The following SLC9A9 variants were observed in gnomAD, a reference collection of about 807,000 sequenced individuals.
SLC9A9 encodes solute carrier family 9 member A9.
Under a neutral mutation model 77.8 loss-of-function variants are expected in SLC9A9, and 62 were observed. The observed-to-expected ratio is 0.80, with a 90% CI of 0.65 to 0.98. The LOEUF (loss-of-function observed/expected upper bound fraction) is 0.98, where lower values mean the gene tolerates loss of function less well. SLC9A9 is among the 50% of genes least tolerant of loss of function. SLC9A9 has a pLI of 0.00. For synonymous variants in SLC9A9, 320 were observed against 283.5 expected (o/e 1.13, Z -1.29); for missense variants, 775 against 774.9 (o/e 1.00, Z 0.00).
At chr3:143,432,266 G>A (rs552204050) in intron 12 of SLC9A9, among the ~76,000 whole-genome samples, 59 of 152,130 alleles carry the variant, frequency 3.9e-4, no homozygotes, top group African/African-American at 1.4e-3. Context: ...ACTACACACC[G>A]GGTAATTACT....
chr3:143,750,252 C>T (rs1412472249), intron 4 of SLC9A9, among the ~76,000 whole-genome samples: 1 of 152,186 alleles, frequency 6.6e-6, no homozygotes, highest in Non-Finnish European at 1.5e-5. Context: ...GAACTTTGTT[C>T]TAACTTTCAG....
At chr3:143,415,970 G>A (rs1474171867) in intron 12 of SLC9A9, among the ~76,000 whole-genome samples, 1 of 152,198 alleles carries the variant, frequency 6.6e-6, no homozygotes, top group African/African-American at 2.4e-5. Flanking sequence ...TTTGGAAGGA[G>A]TTGACTCCAA....
intron 4 of SLC9A9, among the ~76,000 whole-genome samples, chr3:143,706,276 G>A (rs182566395): frequency 1.2e-3 from 180 of 152,290 alleles, no homozygotes; most frequent in Non-Finnish European, 2.2e-3. Context: ...GAGATCGATC[G>A]GGGAGCGGGG....
chr3:143,386,515 C>G (rs1170754761), intron 12 of SLC9A9, among the ~76,000 whole-genome samples: 2 of 152,214 alleles, frequency 1.3e-5, no homozygotes, highest in African/African-American at 2.4e-5. Flanking sequence ...AATTAGAGAA[C>G]TCATTTCACA....
intron 11 of SLC9A9, among the ~76,000 whole-genome samples, chr3:143,479,195 G>A (rs1401824795): frequency 6.6e-6 from 1 of 152,168 alleles, no homozygotes; most frequent in Non-Finnish European, 1.5e-5. Context: ...TGGGGTGGGG[G>A]CACAATATAT....
At chr3:143,416,440 C>G (rs2034192275) in intron 12 of SLC9A9, among the ~76,000 whole-genome samples, 1 of 152,168 alleles carries the variant, frequency 6.6e-6, no homozygotes, top group Admixed American at 6.5e-5. Context: ...GCCTCCCTAG[C>G]CTTCAGCAAC....
intron 11 of SLC9A9, among the ~76,000 whole-genome samples, chr3:143,481,816 G>A (rs1016214032): frequency 1.3e-5 from 2 of 152,288 alleles, no homozygotes; most frequent in African/African-American, 4.8e-5. Context: ...ACTGTGGGAC[G>A]GTCCTGGTAG....
At chr3:143,453,594 GCT>G (rs1228195154) in intron 12 of SLC9A9, among the ~76,000 whole-genome samples, 1 of 152,120 alleles carries the variant, frequency 6.6e-6, no homozygotes, top group Non-Finnish European at 1.5e-5. Context: ...TTCTGAAAGT[GCT>G]CTCTCTATAT....
chr3:143,267,890 G>A (rs976582666), intron 15 of SLC9A9, among the ~76,000 whole-genome samples: 11 of 152,222 alleles, frequency 7.2e-5, no homozygotes, highest in African/African-American at 2.4e-4. Context: ...CCTTGCCGGG[G>A]GATTTTTAGG....
intron 4 of SLC9A9, among the ~76,000 whole-genome samples, chr3:143,778,383 C>T (rs1216950737): frequency 1.3e-5 from 2 of 152,178 alleles, no homozygotes; most frequent in Non-Finnish European, 2.9e-5. Flanking sequence ...CTATTAACTA[C>T]TCAAGATTTA....
chr3:143,693,265 G>C lies in SLC9A9; in HGVS notation c.576C>G (p.Gly192=). 1.2e-6 allele frequency: 2 copies of C among 1,613,246 alleles called. No homozygotes were observed. Among genetic ancestry groups the C allele is most frequent in the Non-Finnish European group, 8.5e-7 (1 of 1,179,520 alleles). Residue 192 remains glycine (G), a synonymous_variant, in exon 5 of 16, where the codon GGC becomes GGG. Transcript: ENST00000316549. ...AATGAAAGTCTCCATTTTTCAGCTG[G>C]CCAGCATGTATCATAGCCTTCACAA... is the stretch of plus-strand genomic sequence containing the variant. ...YGFVKAMIHA[G]QLKNGDFHFT...
At chr3:143,777,192 C>T (rs2007718986) in intron 4 of SLC9A9, among the ~76,000 whole-genome samples, 1 of 152,120 alleles carries the variant, frequency 6.6e-6, no homozygotes, top group Non-Finnish European at 1.5e-5. Flanking sequence ...GAAAAATAGC[C>T]ATTTTTATTT....
intron 14 of SLC9A9, among the ~76,000 whole-genome samples, chr3:143,359,018 A>G (rs988133666): frequency 4.6e-5 from 7 of 152,204 alleles, no homozygotes; most frequent in Non-Finnish European, 8.8e-5. Flanking sequence ...CTAGGGAGTG[A>G]GACACTCAGG....
intron 4 of SLC9A9, among the ~76,000 whole-genome samples, chr3:143,709,335 G>A (rs1292124856): frequency 6.6e-6 from 1 of 152,020 alleles, no homozygotes; most frequent in Admixed American, 6.6e-5. Context: ...TGCAGTCAGG[G>A]GCCAGAATAA....
chr3:143,665,895 C>T (rs2039057425), intron 5 of SLC9A9, among the ~76,000 whole-genome samples: 1 of 152,130 alleles, frequency 6.6e-6, no homozygotes, highest in Non-Finnish European at 1.5e-5. Context: ...CGAATTCTAC[C>T]AGAGGTACAA....
intron 14 of SLC9A9, among the ~76,000 whole-genome samples, chr3:143,352,291 A>G (rs1020816066): frequency 6.6e-6 from 1 of 152,196 alleles, no homozygotes; most frequent in African/African-American, 2.4e-5. Flanking sequence ...AAGCTGCTAC[A>G]GTCTTTCCTG....
chr3:143,770,586 A>G (rs943828632), intron 4 of SLC9A9, among the ~76,000 whole-genome samples: 1 of 152,222 alleles, frequency 6.6e-6, no homozygotes, highest in Non-Finnish European at 1.5e-5. Context: ...TAATCCAAAC[A>G]TAAACAAACG....
intron 8 of SLC9A9, among the ~76,000 whole-genome samples, chr3:143,553,173 A>T (rs1401833286): frequency 6.6e-6 from 1 of 152,196 alleles, no homozygotes; most frequent in African/African-American, 2.4e-5. Context: ...TTTAAACCAC[A>T]TATCAGCTTT....
intron 14 of SLC9A9, among the ~76,000 whole-genome samples, chr3:143,344,295 T>C (rs1467034703): frequency 6.6e-6 from 1 of 152,224 alleles, no homozygotes; most frequent in Non-Finnish European, 1.5e-5. Context: ...CTGATGCATA[T>C]ATCTCTGTAT....
Sources: gnomAD v4.1 joint callset for allele counts (sites outside exome capture counted in the v4.1 genomes callset) on GRCh38, gnomAD v4.1.1 for gene constraint, MANE v1.5 for transcripts, NCBI Gene and HGNC (gene_info 2026-07-23, HGNC 2026-07-21) for gene names.